The following RBM47 variants were observed in gnomAD, a reference collection of about 807,000 sequenced individuals.
RBM47 encodes the protein RNA binding motif protein 47.
A neutral mutation model predicts 47.1 loss-of-function variants in RBM47; 21 were observed. That is an observed-to-expected ratio of 0.45 (90% CI 0.32 to 0.64). RBM47 has a LOEUF of 0.64. Among genes scored for constraint, RBM47 ranks in the 30% least tolerant of loss-of-function variants. The pLI, the probability that RBM47 is intolerant of heterozygous loss-of-function variation, is 0.05. For synonymous variants in RBM47, 375 were observed against 361.7 expected (o/e 1.04, Z -0.42); for missense variants, 708 against 870.9 (o/e 0.81, Z 2.35).
Position 40,426,020 on chromosome 4 carries a change from G to T in RBM47, c.1666C>A (p.Gln556Lys). ...APATATIATL[Q>K]KNAAAAAAMY... ...GCGGCCGCGGCTGCCGCGTTCTTCTGTAGTGTGGCGATCGTGGCTGTAGCT... is the reference window on the plus strand; with the variant it reads ...GCGGCCGCGGCTGCCGCGTTCTTCTTTAGTGTGGCGATCGTGGCTGTAGCT... The change falls in exon 7 of 7, where the codon CAG becomes AAG. Residue 556 changes from glutamine to lysine, a missense_variant. Coordinates refer to ENST00000295971, the MANE Select transcript of RBM47 (RefSeq NM_001098634.2). 1 of 1,614,214 alleles carries T rather than the reference G, an allele frequency of 6.2e-7. No homozygotes were observed. Among genetic ancestry groups the T allele is most frequent in the Non-Finnish European group, 8.5e-7 (1 of 1,180,048 alleles).
At chr4:40,435,896 C>T (rs1048649117) in intron 5 of RBM47, among the ~76,000 whole-genome samples, 1 of 151,540 alleles carries the variant, frequency 6.6e-6, no homozygotes, top group Non-Finnish European at 1.5e-5. Flanking sequence ...CAGTGGCTCA[C>T]TCCTCTAATC....
intron 1 of RBM47, among the ~76,000 whole-genome samples, chr4:40,566,009 A>G (rs561732037): frequency 6.6e-6 from 1 of 152,136 alleles, no homozygotes; most frequent in South Asian, 2.1e-4. Flanking sequence ...TTAAGGCTGC[A>G]GTGAACTGTG....
chr4:40,434,447 T>C (rs1711957783), intron 5 of RBM47, among the ~76,000 whole-genome samples: 1 of 152,144 alleles, frequency 6.6e-6, no homozygotes, highest in Non-Finnish European at 1.5e-5. Context: ...TACCTCAGGC[T>C]CCAGGACACA....
rs773176105 is a variant in RBM47, at chr4:40,628,991, T to G, written c.-240+405A>C. ...TACTGCAGGAAGACCCCCCTCTGCC[T>G]TGGTTAACACTTAAATGAGATGCCT... On this transcript the variant is annotated intron_variant, in intron 1 of 6. Coordinates refer to ENST00000295971, the MANE Select transcript of RBM47 (RefSeq NM_001098634.2). This position sits in a 1 kb window ranked among gnomAD's most constrained non-coding sequence, Gnocchi z 4.0. 2.6e-5 allele frequency among the ~76,000 whole-genome samples: 4 copies of G among 152,210 alleles called. No individual in the cohort carries two copies. The highest frequency in any genetic ancestry group is 6.5e-5 in the Admixed American group (1 of 15,274).
At chr4:40,609,965 G>T (rs1377677283) in intron 1 of RBM47, among the ~76,000 whole-genome samples, 1 of 152,054 alleles carries the variant, frequency 6.6e-6, no homozygotes, top group East Asian at 1.9e-4. Context: ...GGTGCCGCAT[G>T]CCTGTAATCC....
chr4:40,555,709 A>G (rs1430307882), intron 1 of RBM47, among the ~76,000 whole-genome samples: 2 of 152,232 alleles, frequency 1.3e-5, no homozygotes, highest in Non-Finnish European at 2.9e-5. Flanking sequence ...CGGCCGCCAC[A>G]TCATCCTGCC....
intron 2 of RBM47, among the ~76,000 whole-genome samples, chr4:40,532,013 CTTTT>C (rs113352276): frequency 7.1e-6 from 1 of 140,362 alleles, no homozygotes. Context: ...TTTTTTTTAT[CTTTT>C]TTTTTTTTTT....
chr4:40,528,237 A>C lies in RBM47; in HGVS notation c.-155+16185T>G, dbSNP rs552436936. On this transcript the variant is annotated intron_variant, in intron 2 of 6. Transcript: ENST00000295971. Reference sequence around the variant, plus strand: ...ACCATCCTGGCCAAAATGGTGAAACACCATCTCTATTAAAAATACAAAAAT... The same window carrying C: ...ACCATCCTGGCCAAAATGGTGAAACCCCATCTCTATTAAAAATACAAAAAT... Among the ~76,000 whole-genome samples, 8 of 152,164 alleles carry C rather than the reference A, an allele frequency of 5.3e-5. No individual in the cohort carries two copies. In the East Asian group the frequency reaches 1.2e-3, roughly 22 times the overall value.
intron 1 of RBM47, among the ~76,000 whole-genome samples, chr4:40,604,472 T>C (rs1185479947): frequency 6.6e-6 from 1 of 151,894 alleles, no homozygotes; most frequent in East Asian, 1.9e-4. Flanking sequence ...AAAATTGTTT[T>C]AAAAATTAGC....
intron 2 of RBM47, among the ~76,000 whole-genome samples, chr4:40,528,413 A>C (rs1481816324): frequency 2.6e-5 from 4 of 151,654 alleles, no homozygotes; most frequent in African/African-American, 7.3e-5. Flanking sequence ...TTTAAAAAAA[A>C]AACAACAAAA....
At chr4:40,555,241 T>C (rs1729968685) in intron 1 of RBM47, among the ~76,000 whole-genome samples, 1 of 152,202 alleles carries the variant, frequency 6.6e-6, no homozygotes, top group African/African-American at 2.4e-5. Flanking sequence ...TTAATTTTTG[T>C]ATTTTTAATA....
At chr4:40,555,339 T>C (rs1729974696) in intron 1 of RBM47, among the ~76,000 whole-genome samples, 1 of 152,210 alleles carries the variant, frequency 6.6e-6, no homozygotes, top group African/African-American at 2.4e-5. Context: ...AGTGCTGGGA[T>C]TACAGGTGTG....
At chr4:40,517,165 C>A (rs181730350) in intron 2 of RBM47, among the ~76,000 whole-genome samples, 1 of 146,300 alleles carries the variant, frequency 6.8e-6, no homozygotes, top group Non-Finnish European at 1.5e-5. Flanking sequence ...CATGGAGTCT[C>A]GCCCTCTTGC....
intron 2 of RBM47, among the ~76,000 whole-genome samples, chr4:40,542,290 C>CTCCCTT (rs986841595): frequency 6.6e-6 from 1 of 152,128 alleles, no homozygotes; most frequent in African/African-American, 2.4e-5. Context: ...GCCTCTCCCT[C>CTCCCTT]TCCCTTTCCC....
At chr4:40,527,289 ATT>A (rs59625515) in intron 2 of RBM47, among the ~76,000 whole-genome samples, 4 of 138,824 alleles carry the variant, frequency 2.9e-5, no homozygotes, top group Admixed American at 1.4e-4. Flanking sequence ...CAACTGGCTA[ATT>A]TTTTTTTTTT....
chr4:40,457,268 A>G (rs1025866881), intron 3 of RBM47, among the ~76,000 whole-genome samples: 7 of 150,746 alleles, frequency 4.6e-5, no homozygotes, highest in Non-Finnish European at 1.5e-5. Flanking sequence ...AAAAAATACA[A>G]AAATTAGCCG....
At chr4:40,493,587 C>T (rs1411842256) in intron 2 of RBM47, among the ~76,000 whole-genome samples, 3 of 152,082 alleles carry the variant, frequency 2.0e-5, no homozygotes, top group Non-Finnish European at 4.4e-5. Context: ...AGTTCAAGAC[C>T]AGCCTGGCCA....
chr4:40,538,261 G>C (rs1374455190), intron 2 of RBM47, among the ~76,000 whole-genome samples: 3 of 151,628 alleles, frequency 2.0e-5, no homozygotes, highest in African/African-American at 7.3e-5. Flanking sequence ...AAGGGATCCA[G>C]TAACTTCTAC....
chr4:40,476,782 C>CTG, intron 2 of RBM47, among the ~76,000 whole-genome samples: 2 of 152,234 alleles, frequency 1.3e-5, no homozygotes, highest in Admixed American at 1.3e-4. Flanking sequence ...TTAAAGTGAG[C>CTG]TCTGCAGCAC....
Sources: gnomAD v4.1 joint callset for allele counts (sites outside exome capture counted in the v4.1 genomes callset) on GRCh38, gnomAD v4.1.1 for gene constraint, Gnocchi (gnomAD v3.1) non-coding constraint, MANE v1.5 for transcripts, NCBI Gene and HGNC (gene_info 2026-07-23, HGNC 2026-07-21) for gene names.